The following KLF12 variants were observed in gnomAD, a reference collection of about 807,000 sequenced individuals.
The protein encoded by KLF12 is KLF transcription factor 12.
A neutral mutation model predicts 37.8 loss-of-function variants in KLF12; 9 were observed. That is an observed-to-expected ratio of 0.24 (90% CI 0.14 to 0.42). The LOEUF is 0.42. Ranked by LOEUF, KLF12 falls within the 10% of genes least tolerant of loss-of-function variation. The probability of loss-of-function intolerance (pLI) is 1.00; values close to 1 mark genes in which losing one functional copy is unlikely to be tolerated. For missense variants in KLF12, 411 were observed against 516.0 expected (o/e 0.80, Z 1.97); for synonymous variants, 208 against 202.1 (o/e 1.03, Z -0.25).
At chr13:74,150,398 C>A in the KLF12 span, among the ~76,000 whole-genome samples, 1 of 152,192 alleles carries the variant, frequency 6.6e-6, no homozygotes, top group African/African-American at 2.4e-5. Context: ...CTGCCATCAA[C>A]TGGAACACAT....
the KLF12 span, among the ~76,000 whole-genome samples, chr13:74,235,153 G>A: frequency 6.6e-6 from 1 of 152,196 alleles, no homozygotes; most frequent in Non-Finnish European, 1.5e-5. Context: ...CATAGATGAT[G>A]TTTGTAACCT....
At chr13:74,055,808 A>T (rs1211541434) in intron 1 of KLF12, among the ~76,000 whole-genome samples, 1 of 152,250 alleles carries the variant, frequency 6.6e-6, no homozygotes, top group Non-Finnish European at 1.5e-5. Context: ...AGCAGTGTAT[A>T]TAAAACCTCA....
chr13:73,837,312 G>C (rs766079369), intron 4 of KLF12, among the ~76,000 whole-genome samples: 1 of 152,064 alleles, frequency 6.6e-6, no homozygotes, highest in Non-Finnish European at 1.5e-5. Flanking sequence ...TATTATCATC[G>C]AATCTTAGAA....
intron 3 of KLF12, among the ~76,000 whole-genome samples, chr13:73,873,543 G>A (rs1451782116): frequency 2.6e-5 from 4 of 152,030 alleles, no homozygotes; most frequent in Non-Finnish European, 4.4e-5. Flanking sequence ...TATAATCAAA[G>A]CACTCAGAAA....
chr13:73,812,550 A>G (rs1882996881), intron 5 of KLF12, among the ~76,000 whole-genome samples: 1 of 151,088 alleles, frequency 6.6e-6, no homozygotes, highest in Non-Finnish European at 1.5e-5. Context: ...CTACAAAAAA[A>G]AACATGGATT....
intron 4 of KLF12, among the ~76,000 whole-genome samples, chr13:73,816,116 C>T (rs779426403): frequency 1.3e-5 from 2 of 152,196 alleles, no homozygotes; most frequent in Non-Finnish European, 2.9e-5. Context: ...TTTTCAAAAT[C>T]TGCATTGCTG....
At chr13:74,080,806 T>C (rs894933164) in intron 1 of KLF12, among the ~76,000 whole-genome samples, 12 of 152,224 alleles carry the variant, frequency 7.9e-5, no homozygotes, top group African/African-American at 2.7e-4. Flanking sequence ...CAATGGAAAT[T>C]GATCAGTTTG....
intron 3 of KLF12, among the ~76,000 whole-genome samples, chr13:73,933,342 AATT>A (rs1423748673): frequency 1.3e-5 from 2 of 152,174 alleles, no homozygotes; most frequent in Non-Finnish European, 2.9e-5. Context: ...TTCACCACAG[AATT>A]ATTATGTTCC....
chr13:74,241,789 C>T, the KLF12 span, among the ~76,000 whole-genome samples: 2 of 152,222 alleles, frequency 1.3e-5, no homozygotes, highest in East Asian at 1.9e-4. Flanking sequence ...GGCAATGCCT[C>T]GCCCTGCTTC....
At chr13:74,105,728 T>A (rs1256925677) in intron 1 of KLF12, among the ~76,000 whole-genome samples, 3 of 152,068 alleles carry the variant, frequency 2.0e-5, no homozygotes, top group Non-Finnish European at 4.4e-5. Flanking sequence ...ACCTTTCCCA[T>A]GAAAGGATAA....
the KLF12 span, among the ~76,000 whole-genome samples, chr13:74,159,114 T>C: frequency 6.6e-6 from 1 of 152,074 alleles, no homozygotes; most frequent in African/African-American, 2.4e-5. Flanking sequence ...AACCCAGATA[T>C]CCTGAATCAT....
rs531823373 is a variant in KLF12, at chr13:74,042,003, G to A, written c.-31-46950C>T. 2.4e-3 allele frequency among the ~76,000 whole-genome samples: 362 copies of A among 152,228 alleles called. 3 individuals are homozygous for A. The highest frequency in any genetic ancestry group is 7.7e-3 in the African/African-American group (320 of 41,556). On this transcript the variant is annotated intron_variant, in intron 1 of 7. Coordinates refer to ENST00000377669, the MANE Select transcript of KLF12 (RefSeq NM_007249.5). ...AATGTATAGTTTAGTCATAACTTCA[G>A]TATGAAGAAGGGGTTATCGGCTGGG... is the stretch of plus-strand genomic sequence containing the variant.
chr13:74,032,059 G>C (rs1203587439), intron 1 of KLF12, among the ~76,000 whole-genome samples: 1 of 152,104 alleles, frequency 6.6e-6, no homozygotes, highest in Non-Finnish European at 1.5e-5. Flanking sequence ...CTGTTCACAA[G>C]CGTACAGAGG....
At chr13:73,766,345 T>C (rs1053907300) in intron 5 of KLF12, among the ~76,000 whole-genome samples, 2 of 152,194 alleles carry the variant, frequency 1.3e-5, no homozygotes, top group African/African-American at 4.8e-5. Flanking sequence ...CAGACTCAGC[T>C]AGAAATGAAA....
At chr13:74,257,446 C>G in the KLF12 span, 2 of 152,074 alleles carry the variant, frequency 1.3e-5, no homozygotes, top group Non-Finnish European at 2.9e-5. Context: ...GGTACAAACA[C>G]GACACTGAAA....
intron 1 of KLF12, among the ~76,000 whole-genome samples, chr13:74,025,818 A>G (rs778438308): frequency 6.6e-6 from 1 of 152,186 alleles, no homozygotes; most frequent in African/African-American, 2.4e-5. Context: ...AAATGACTGC[A>G]GATATAGCTA....
the KLF12 span, among the ~76,000 whole-genome samples, chr13:74,279,898 A>G: frequency 1.3e-5 from 2 of 152,322 alleles, no homozygotes; most frequent in African/African-American, 4.8e-5. Flanking sequence ...GGGCAAATTT[A>G]TGAGAGAAGG....
the KLF12 span, among the ~76,000 whole-genome samples, chr13:74,198,411 C>T: frequency 2.0e-5 from 3 of 152,154 alleles, no homozygotes; most frequent in Admixed American, 6.5e-5. Flanking sequence ...AGAAGTGCTC[C>T]GTTCAATGTG....
At chr13:74,078,714 G>A (rs944366369) in intron 1 of KLF12, among the ~76,000 whole-genome samples, 2 of 152,142 alleles carry the variant, frequency 1.3e-5, no homozygotes, top group South Asian at 2.1e-4. Flanking sequence ...TCAGAGTAAT[G>A]ATTCAAATGT....
Sources: allele counts gnomAD v4.1 joint callset (sites outside exome capture counted in the v4.1 genomes callset), GRCh38; gene constraint gnomAD v4.1.1; transcripts MANE v1.5; gene names NCBI Gene and HGNC (gene_info 2026-07-23, HGNC 2026-07-21).